RERE: variants seen among roughly 807,000 people sequenced by gnomAD.
RERE encodes the protein arginine-glutamic acid dipeptide repeats.
RERE carries 40 observed loss-of-function variants against 146.1 expected under a neutral mutation model. The observed-to-expected ratio is 0.27, with a 90% CI of 0.21 to 0.36. The LOEUF (loss-of-function observed/expected upper bound fraction) is 0.36, where lower values mean the gene tolerates loss of function less well. RERE is among the 10% of genes least tolerant of loss of function. The probability of loss-of-function intolerance (pLI) is 1.00; values close to 1 mark genes in which losing one functional copy is unlikely to be tolerated. For missense variants in RERE, 1,933 were observed against 2,138.7 expected, an observed-to-expected ratio of 0.90 and a Z score of 1.90; for synonymous variants, 1,003 against 866.0, an observed-to-expected ratio of 1.16 and a Z score of -2.78.
chr1:8,721,198 G>A (rs767825488), intron 1 of RERE, among the ~76,000 whole-genome samples: 1 of 152,230 alleles, frequency 6.6e-6, no homozygotes, highest in South Asian at 2.1e-4. Flanking sequence ...GCAGAGGTCT[G>A]CTTCCCCAAG....
chr1:8,574,619 C>T (rs1048609794), intron 4 of RERE, among the ~76,000 whole-genome samples: 3 of 152,244 alleles, frequency 2.0e-5, no homozygotes, highest in Admixed American at 2.0e-4. Flanking sequence ...AATGAAAATA[C>T]TGCAACTTAC....
Position 8,355,042 on chromosome 1 carries a change from C to G in RERE, c.*45G>C, listed in dbSNP as rs746116877. ...TTATGTAAAAAGTCCTGTTTCTCCC[C>G]CCAAGAACTGGGGTTTCCACAGCCA... On this transcript the variant is annotated 3_prime_UTR_variant, in exon 23 of 23. Transcript: ENST00000400908. 1.9e-6 allele frequency: 3 copies of G among 1,558,998 alleles called. No individual in the cohort carries two copies. The South Asian group carries it at 3.4e-5, about 18-fold the overall frequency.
At chr1:8,777,552 T>G (rs2124555969) in intron 1 of RERE, among the ~76,000 whole-genome samples, 1 of 149,326 alleles carries the variant, frequency 6.7e-6, no homozygotes, top group Middle Eastern at 3.4e-3. Context: ...TTTTTTTTTT[T>G]GAGATGCAGT....
At chr1:8,610,099 G>T (rs1646774528) in intron 4 of RERE, among the ~76,000 whole-genome samples, 2 of 152,246 alleles carry the variant, frequency 1.3e-5, no homozygotes, top group African/African-American at 4.8e-5. Flanking sequence ...ACAAACAGCA[G>T]AACCTTCGCT....
chr1:8,401,069 A>ATATATC (rs761609705), intron 12 of RERE, among the ~76,000 whole-genome samples: 1 of 85,116 alleles, frequency 1.2e-5, no homozygotes, highest in Non-Finnish European at 2.5e-5. Context: ...ATATATATAT[A>ATATATC]TATGTCACTT....
chr1:8,504,625 G>A (rs1478957228), intron 8 of RERE, among the ~76,000 whole-genome samples: 3 of 152,108 alleles, frequency 2.0e-5, no homozygotes, highest in African/African-American at 4.8e-5. Flanking sequence ...AGGCCAAGGC[G>A]GGTGTTTCAT....
At chr1:8,677,174 A>C (rs1184605280) in intron 1 of RERE, among the ~76,000 whole-genome samples, 1 of 152,202 alleles carries the variant, frequency 6.6e-6, no homozygotes, top group Non-Finnish European at 1.5e-5. Flanking sequence ...TCCCATCTGT[A>C]ATCCCAGCAC....
chr1:8,650,752 C>T (rs1423156718), intron 2 of RERE, among the ~76,000 whole-genome samples: 1 of 152,064 alleles, frequency 6.6e-6, no homozygotes, highest in Non-Finnish European at 1.5e-5. Context: ...CAAAAATTAG[C>T]TGGGCATGGT....
chr1:8,597,676 C>G (rs1570486614), intron 4 of RERE, among the ~76,000 whole-genome samples: 1 of 152,160 alleles, frequency 6.6e-6, no homozygotes, highest in African/African-American at 2.4e-5. Context: ...TGATTCACAG[C>G]CCTGTTATAT....
chr1:8,363,907 C>G, intron 15 of RERE, 149 bp downstream of exon 15: 1 of 711,588 alleles, frequency 1.4e-6, no homozygotes, highest in African/African-American at 1.8e-5. Flanking sequence ...AGCCCACAGG[C>G]AAGCTACCGC....
chr1:8,580,454 A>C (rs1646349999), intron 4 of RERE, among the ~76,000 whole-genome samples: 1 of 152,234 alleles, frequency 6.6e-6, no homozygotes, highest in Non-Finnish European at 1.5e-5. Flanking sequence ...CACAACTAAA[A>C]TGTGGATTAA....
intron 1 of RERE, among the ~76,000 whole-genome samples, chr1:8,758,907 T>C (rs1466789034): frequency 6.6e-6 from 1 of 151,816 alleles, no homozygotes; most frequent in Non-Finnish European, 1.5e-5. Context: ...CATTCCACAA[T>C]GTATATATAT....
intron 1 of RERE, among the ~76,000 whole-genome samples, chr1:8,742,574 G>A (rs577661487): frequency 4.6e-5 from 7 of 152,148 alleles, no homozygotes; most frequent in South Asian, 4.2e-4. Context: ...CGATCCCAGC[G>A]CTTTGGGAGG....
intron 1 of RERE, among the ~76,000 whole-genome samples, chr1:8,662,570 G>C (rs975489266): frequency 6.6e-6 from 1 of 152,180 alleles, no homozygotes; most frequent in African/African-American, 2.4e-5. Flanking sequence ...CAGACCTGTA[G>C]TCCTAGCTAC....
intron 3 of RERE, among the ~76,000 whole-genome samples, chr1:8,617,679 A>T (rs1268868043): frequency 1.3e-5 from 2 of 152,222 alleles, no homozygotes; most frequent in South Asian, 2.1e-4. Context: ...TCACACAGGA[A>T]CAAATCATCA....
intron 1 of RERE, among the ~76,000 whole-genome samples, chr1:8,709,302 T>C (rs1205337969): frequency 1.3e-5 from 2 of 151,810 alleles, no homozygotes; most frequent in Non-Finnish European, 2.9e-5. Flanking sequence ...TTTTCTTATA[T>C]TGAGACAGGG....
At chr1:8,627,131 C>T (rs1646982644) in intron 2 of RERE, among the ~76,000 whole-genome samples, 1 of 152,182 alleles carries the variant, frequency 6.6e-6, no homozygotes, top group African/African-American at 2.4e-5. Flanking sequence ...TATGGAGTAA[C>T]TCCTCATGGC....
chr1:8,564,862 GTGTGTGTGTATA>G (rs956930942), intron 4 of RERE, among the ~76,000 whole-genome samples: 17 of 131,160 alleles, frequency 1.3e-4, no homozygotes, highest in African/African-American at 5.3e-4. Flanking sequence ...GTGTGTGTGT[GTGTGTGTGTATA>G]TATATATATA....
chr1:8,587,426 T>C (rs1435315597), intron 4 of RERE, among the ~76,000 whole-genome samples: 1 of 152,132 alleles, frequency 6.6e-6, no homozygotes, highest in Non-Finnish European at 1.5e-5. Flanking sequence ...CTATCTACAA[T>C]ACAAATCACT....
Sources: allele counts gnomAD v4.1 joint callset (sites outside exome capture counted in the v4.1 genomes callset), GRCh38; gene constraint gnomAD v4.1.1; transcripts MANE v1.5; gene names NCBI Gene and HGNC (gene_info 2026-07-23, HGNC 2026-07-21).